Variants in HECW1 observed in about 807,000 individuals in gnomAD.
HECW1 encodes HECT, C2 and WW domain containing E3 ubiquitin protein ligase 1.
In HECW1, 61 loss-of-function variants were observed where a neutral mutation model predicts 182.3. The observed-to-expected ratio is 0.33, with a 90% CI of 0.27 to 0.41. HECW1 has a LOEUF of 0.41. Among genes scored for constraint, HECW1 ranks in the 10% least tolerant of loss-of-function variants. The probability of loss-of-function intolerance (pLI) is 1.00; values close to 1 mark genes in which losing one functional copy is unlikely to be tolerated. For synonymous variants in HECW1, 859 were observed against 832.6 expected (o/e 1.03, Z -0.55); for missense variants, 1,739 against 2,108.9 (o/e 0.82, Z 3.44).
intron 6 of HECW1, among the ~76,000 whole-genome samples, chr7:43,396,201 A>C (rs903228667): frequency 6.6e-6 from 1 of 152,230 alleles, no homozygotes; most frequent in African/African-American, 2.4e-5. Context: ...ATGATGAAAA[A>C]CAAAACATTT....
chr7:43,288,796 G>A (rs995057231), intron 3 of HECW1, among the ~76,000 whole-genome samples: 6 of 152,192 alleles, frequency 3.9e-5, no homozygotes, highest in Admixed American at 3.9e-4. Flanking sequence ...CCACTCTTCT[G>A]ACAAATGTGC....
At chr7:43,391,457 G>A (rs1860756) in intron 6 of HECW1, among the ~76,000 whole-genome samples, 18,810 of 152,162 alleles carry the variant, frequency 0.12, 1,313 homozygotes, top group Middle Eastern at 0.29. Context: ...AAGCAGGAGT[G>A]GGAGTGAATG....
At chr7:43,489,325 G>A (rs894386413) in intron 17 of HECW1, among the ~76,000 whole-genome samples, 1 of 152,126 alleles carries the variant, frequency 6.6e-6, no homozygotes, top group African/African-American at 2.4e-5. Flanking sequence ...CCAAGAAAAA[G>A]AGACTTATAA....
chr7:43,251,954 G>A (rs1420515820), intron 3 of HECW1, among the ~76,000 whole-genome samples: 3 of 152,080 alleles, frequency 2.0e-5, no homozygotes, highest in African/African-American at 4.8e-5. Flanking sequence ...CCAGTGCTCT[G>A]GGGGGGTACA....
At chr7:43,441,296 G>A (rs1277300427) in intron 9 of HECW1, among the ~76,000 whole-genome samples, 1 of 152,184 alleles carries the variant, frequency 6.6e-6, no homozygotes, top group East Asian at 1.9e-4. Flanking sequence ...TACATGTGGA[G>A]CCCTGCAATT....
At chr7:43,386,938 A>G (rs142805428) in intron 6 of HECW1, among the ~76,000 whole-genome samples, 1 of 152,330 alleles carries the variant, frequency 6.6e-6, no homozygotes, top group African/African-American at 2.4e-5. Flanking sequence ...GGCCAAGACT[A>G]CCCACATATT....
intron 2 of HECW1, among the ~76,000 whole-genome samples, chr7:43,214,703 G>A (rs1475653856): frequency 6.6e-6 from 1 of 152,216 alleles, no homozygotes; most frequent in African/African-American, 2.4e-5. Context: ...CATGGGCAGA[G>A]CACAGGAGAC....
intron 2 of HECW1, among the ~76,000 whole-genome samples, chr7:43,233,602 T>C (rs1798063536): frequency 6.6e-6 from 1 of 152,174 alleles, no homozygotes; most frequent in Admixed American, 6.5e-5. Context: ...TCCAAAATGG[T>C]GCAAAATAAT....
intron 2 of HECW1, among the ~76,000 whole-genome samples, chr7:43,150,174 G>A (rs1249868512): frequency 1.3e-5 from 2 of 152,132 alleles, no homozygotes; most frequent in Non-Finnish European, 2.9e-5. Flanking sequence ...CTATTTTACA[G>A]AAAAGGAAAT....
chr7:43,491,843 C>T (rs1193018392), intron 17 of HECW1, among the ~76,000 whole-genome samples: 2 of 152,184 alleles, frequency 1.3e-5, no homozygotes, highest in Non-Finnish European at 2.9e-5. Flanking sequence ...AAGGTCTCAG[C>T]CTCCCCAAGT....
chr7:43,425,150 C>T (rs13233190), intron 8 of HECW1, among the ~76,000 whole-genome samples: 53,155 of 151,692 alleles, frequency 0.35, 9,560 homozygotes, highest in Middle Eastern at 0.47. Flanking sequence ...GGAGTTGCAA[C>T]AAGCTTTCAA....
intron 6 of HECW1, among the ~76,000 whole-genome samples, chr7:43,362,131 C>CAAAAAAA (rs34879817): frequency 2.3e-5 from 2 of 87,842 alleles, no homozygotes; most frequent in African/African-American, 8.5e-5. Context: ...AACTCCGTCT[C>CAAAAAAA]AAAAAAAAAA....
chr7:43,255,533 G>A (rs567297893), intron 3 of HECW1, among the ~76,000 whole-genome samples: 64 of 151,276 alleles, frequency 4.2e-4, no homozygotes, highest in Non-Finnish European at 6.8e-4. Flanking sequence ...GGAGGCAGAG[G>A]TTGCAGTGAG....
intron 2 of HECW1, among the ~76,000 whole-genome samples, chr7:43,124,598 T>A (rs1027437737): frequency 1.3e-5 from 2 of 152,176 alleles, no homozygotes; most frequent in African/African-American, 4.8e-5. Context: ...GGCCTCATGC[T>A]CTGCAGCACT....
At chr7:43,399,744 A>G (rs2075343838) in intron 7 of HECW1, among the ~76,000 whole-genome samples, 1 of 152,192 alleles carries the variant, frequency 6.6e-6, no homozygotes, top group Admixed American at 6.5e-5. Flanking sequence ...GTCCCCAAAC[A>G]CATCATTTTT....
At chr7:43,367,853 C>T (rs1158955015) in intron 6 of HECW1, among the ~76,000 whole-genome samples, 2 of 152,162 alleles carry the variant, frequency 1.3e-5, no homozygotes, top group Non-Finnish European at 2.9e-5. Context: ...ATCCACATCA[C>T]ATTTTTTCTC....
intron 21 of HECW1, among the ~76,000 whole-genome samples, chr7:43,502,479 A>C (rs1053156913): frequency 2.0e-5 from 3 of 152,164 alleles, no homozygotes; most frequent in African/African-American, 7.2e-5. Flanking sequence ...CCATATAGTG[A>C]GACCTCATCT....
chr7:43,231,290 T>C (rs1283283733), intron 2 of HECW1, among the ~76,000 whole-genome samples: 2 of 152,210 alleles, frequency 1.3e-5, no homozygotes, highest in African/African-American at 4.8e-5. Flanking sequence ...CCCTTGAATG[T>C]AAGTCTTTTT....
intron 2 of HECW1, among the ~76,000 whole-genome samples, chr7:43,183,887 C>G (rs1038721925): frequency 6.6e-6 from 1 of 152,076 alleles, no homozygotes; most frequent in African/African-American, 2.4e-5. Flanking sequence ...TACAGTATAA[C>G]AAGTGTAGGC....
Sources: allele counts gnomAD v4.1 joint callset (sites outside exome capture counted in the v4.1 genomes callset), GRCh38; gene constraint gnomAD v4.1.1; transcripts MANE v1.5; gene names NCBI Gene and HGNC (gene_info 2026-07-23, HGNC 2026-07-21).